The following LIN9 variants were observed in gnomAD, a reference collection of about 807,000 sequenced individuals.
LIN9 encodes lin-9 DREAM MuvB core complex component.
LIN9 carries 18 observed loss-of-function variants against 78.0 expected under a neutral mutation model. The observed-to-expected ratio is 0.23, with a 90% confidence interval of 0.16 to 0.34. The LOEUF (loss-of-function observed/expected upper bound fraction) is 0.34, where lower values mean the gene tolerates loss of function less well. LIN9 is among the 10% of genes least tolerant of loss of function. LIN9 has a pLI of 1.00. For synonymous variants in LIN9, 192 were observed against 215.2 expected, an observed-to-expected ratio of 0.89 and a Z score of 0.94; for missense variants, 451 against 644.1, an observed-to-expected ratio of 0.70 and a Z score of 3.25.
chr1:226,303,540 G>A lies in LIN9; in HGVS notation c.32-2335C>T, dbSNP rs185806464. ...GAATATCCACTCCTGCTCCACGAAGGCAGGAACCATATCTTGGGGATTCTG... is the reference window on the plus strand; with the variant it reads ...GAATATCCACTCCTGCTCCACGAAGACAGGAACCATATCTTGGGGATTCTG... On this transcript the variant is annotated intron_variant, in intron 1 of 14. Coordinates refer to ENST00000681046, the MANE Select transcript of LIN9 (RefSeq NM_001366245.2). Among the ~76,000 whole-genome samples, 29 of 152,274 alleles carry A rather than the reference G, an allele frequency of 1.9e-4. No homozygotes were observed. The East Asian group carries it at 5.0e-3, about 26-fold the overall frequency.
In LIN9 at chr1:226,284,136, G is replaced by A. The variant is rs79424967; in HGVS notation, c.524+2197C>T. 4.2e-3 allele frequency among the ~76,000 whole-genome samples: 631 copies of A among 151,980 alleles called. 26 individuals are homozygous for A. The South Asian group carries it at 0.075, about 18-fold the overall frequency. On this transcript the variant is annotated intron_variant, in intron 6 of 14. Transcript: ENST00000681046. ...CTATAGACTACTAAACAGTAGTCTCGGTTTCCATTAAACAAACAATCCACC... is the reference window on the plus strand; with the variant it reads ...CTATAGACTACTAAACAGTAGTCTCAGTTTCCATTAAACAAACAATCCACC...
At chr1:226,259,975 T>G (rs1659464943) in intron 10 of LIN9, among the ~76,000 whole-genome samples, 2 of 150,256 alleles carry the variant, frequency 1.3e-5, no homozygotes, top group Admixed American at 1.3e-4. Context: ...AACCAAAAGC[T>G]GGTTGTTTAA....
At chr1:226,297,597 A>G (rs2102661558) in intron 3 of LIN9, 122 bp downstream of exon 3, 1 of 515,694 alleles carries the variant, frequency 1.9e-6, no homozygotes, top group Non-Finnish European at 3.3e-6. Context: ...GTGCTTAATG[A>G]CACTTGAGGT....
intron 14 of LIN9, 43 bp downstream of exon 14, chr1:226,233,053 T>G (rs1657452640): frequency 8.5e-7 from 1 of 1,180,788 alleles, no homozygotes; most frequent in South Asian, 1.4e-5. Flanking sequence ...AAAATTACTA[T>G]GAACTTCACA....
At chr1:226,289,990 T>C (rs1304998891) in intron 4 of LIN9, among the ~76,000 whole-genome samples, 1 of 152,094 alleles carries the variant, frequency 6.6e-6, no homozygotes, top group Admixed American at 6.5e-5. Context: ...AAGGTCTTTC[T>C]GAGCATGACA....
At chr1:226,306,835 A>G (rs967636234) in intron 1 of LIN9, among the ~76,000 whole-genome samples, 2 of 152,178 alleles carry the variant, frequency 1.3e-5, no homozygotes, top group African/African-American at 4.8e-5. Flanking sequence ...TTTCAGTAAT[A>G]ATACCTGTTA....
chr1:226,278,727 G>A (rs1660827565), intron 6 of LIN9, among the ~76,000 whole-genome samples: 1 of 151,968 alleles, frequency 6.6e-6, no homozygotes, highest in Non-Finnish European at 1.5e-5. Flanking sequence ...AGGAGGCTGA[G>A]GCAGGGGAAT....
At chr1:226,282,618 C>G (rs1206569821) in intron 6 of LIN9, among the ~76,000 whole-genome samples, 1 of 152,150 alleles carries the variant, frequency 6.6e-6, no homozygotes, top group Admixed American at 6.5e-5. Flanking sequence ...GTCAGGAGTT[C>G]AAGACCAGCC....
chr1:226,252,415 C>T (rs949950314), intron 10 of LIN9, among the ~76,000 whole-genome samples: 14 of 152,028 alleles, frequency 9.2e-5, no homozygotes, highest in African/African-American at 3.4e-4. Context: ...AAACCTAAAT[C>T]CGTCAAACCT....
At chr1:226,280,460 C>T (rs1356077898) in intron 6 of LIN9, among the ~76,000 whole-genome samples, 1 of 152,066 alleles carries the variant, frequency 6.6e-6, no homozygotes, top group African/African-American at 2.4e-5. Flanking sequence ...TAATGAGTTA[C>T]TAGTAAGCTA....
At chr1:226,281,005 T>C (rs973873805) in intron 6 of LIN9, among the ~76,000 whole-genome samples, 3 of 152,158 alleles carry the variant, frequency 2.0e-5, no homozygotes, top group Non-Finnish European at 4.4e-5. Flanking sequence ...AGCCAAGATA[T>C]GGAATCACCC....
chr1:226,303,980 T>C (rs1662735016), intron 1 of LIN9, among the ~76,000 whole-genome samples: 1 of 152,228 alleles, frequency 6.6e-6, no homozygotes, highest in Admixed American at 6.5e-5. Flanking sequence ...TAGCTATGTT[T>C]GAATCTTGGT....
At chr1:226,300,817 T>C (rs1172204205) in intron 2 of LIN9, among the ~76,000 whole-genome samples, 2 of 152,160 alleles carry the variant, frequency 1.3e-5, no homozygotes, top group East Asian at 3.9e-4. Context: ...GATTGCACCG[T>C]TGTACTCCAG....
chr1:226,248,033 C>A (rs1488662619), intron 11 of LIN9, among the ~76,000 whole-genome samples: 3 of 152,082 alleles, frequency 2.0e-5, no homozygotes, highest in African/African-American at 7.2e-5. Flanking sequence ...ATATTTTATT[C>A]CAGAGGAAAC....
intron 12 of LIN9, among the ~76,000 whole-genome samples, chr1:226,234,893 A>T (rs1444485612): frequency 5.0e-4 from 67 of 134,334 alleles, no homozygotes; most frequent in Non-Finnish European, 9.3e-4. Flanking sequence ...GTTATCCTAA[A>T]TTTTTTTTTT....
rs374446705 is a variant in LIN9 at position 226,301,229 on chromosome 1, C to T, written c.32-24G>A. The T allele has an allele frequency of 2.7e-5, 42 of 1,580,506 alleles. No homozygotes were observed. In the African/African-American group the frequency reaches 5.1e-4, roughly 19 times the overall value. On this transcript the variant is annotated intron_variant, in intron 1 of 14. Coordinates refer to ENST00000681046, the MANE Select transcript of LIN9 (RefSeq NM_001366245.2). ...GCCTGCAATTAAAAATAAAACAAAT[C>T]AATAATTATTTCATAACCAAAGTGA...
At chr1:226,301,270 G>C in intron 1 of LIN9, 65 bp from the exon 2 acceptor site, 1 of 1,260,326 alleles carries the variant, frequency 7.9e-7, no homozygotes, top group Non-Finnish European at 1.1e-6. Flanking sequence ...AAAGACCTTG[G>C]TTTGGGGGTA....
chr1:226,291,047 G>C (rs1388128938), intron 4 of LIN9, among the ~76,000 whole-genome samples: 1 of 152,154 alleles, frequency 6.6e-6, no homozygotes, highest in Non-Finnish European at 1.5e-5. Flanking sequence ...GTGAGCCACT[G>C]TGCATGGTCC....
upstream of LIN9, chr1:226,309,405 G>A (rs1486039215): frequency 1.0e-5 from 10 of 992,984 alleles, no homozygotes; most frequent in African/African-American, 7.0e-5. Context: ...GAGGCCGCAC[G>A]GCGAGGCCCG....
Sources: allele counts gnomAD v4.1 joint callset (sites outside exome capture counted in the v4.1 genomes callset), GRCh38; gene constraint gnomAD v4.1.1; transcripts MANE v1.5; gene names NCBI Gene and HGNC (gene_info 2026-07-23, HGNC 2026-07-21).